ATP10B: variants seen among roughly 807,000 people sequenced by gnomAD.
ATP10B encodes the protein phospholipid-transporting ATPase VB.
Under a neutral mutation model 141.2 loss-of-function variants are expected in ATP10B, and 122 were observed. The observed-to-expected ratio is 0.86, with a 90% CI of 0.75 to 1.00. ATP10B has a LOEUF of 1.00. ATP10B is among the 50% of genes least tolerant of loss of function. ATP10B has a pLI of 0.00. For missense variants in ATP10B, 1,876 were observed against 1,825.3 expected, an observed-to-expected ratio of 1.03 and a Z score of -0.51; for synonymous variants, 685 against 692.0, an observed-to-expected ratio of 0.99 and a Z score of 0.16.
At chr5:160,901,978 G>A in the ATP10B span, among the ~76,000 whole-genome samples, 2 of 152,068 alleles carry the variant, frequency 1.3e-5, no homozygotes, top group Admixed American at 6.5e-5. Context: ...TTTGCCCAAG[G>A]TCACCCAGCT....
chr5:160,690,854 G>A (rs1264571186), intron 3 of ATP10B, among the ~76,000 whole-genome samples: 5 of 152,164 alleles, frequency 3.3e-5, no homozygotes, highest in Non-Finnish European at 7.3e-5. Flanking sequence ...TCCCATTACT[G>A]GGGATATACC....
At chr5:160,915,110 C>T in the ATP10B span, among the ~76,000 whole-genome samples, 3 of 152,110 alleles carry the variant, frequency 2.0e-5, no homozygotes, top group Admixed American at 1.3e-4. Context: ...ACAAGTAACT[C>T]CCTCCTTGAA....
intron 18 of ATP10B, among the ~76,000 whole-genome samples, chr5:160,607,425 T>C (rs1757456598): frequency 6.6e-6 from 1 of 152,234 alleles, no homozygotes; most frequent in Non-Finnish European, 1.5e-5. Flanking sequence ...TATGGTGCTT[T>C]CTATTTCTCA....
the ATP10B span, among the ~76,000 whole-genome samples, chr5:160,911,340 A>T: frequency 1.3e-5 from 2 of 152,222 alleles, no homozygotes; most frequent in African/African-American, 4.8e-5. Context: ...GTTTTAAAAC[A>T]ATGACTGAGA....
At chr5:160,797,097 A>G (rs1772000016) in intron 1 of ATP10B, among the ~76,000 whole-genome samples, 1 of 151,922 alleles carries the variant, frequency 6.6e-6, no homozygotes, top group Non-Finnish European at 1.5e-5. Context: ...CACTAATCAC[A>G]TCTAGTTTCA....
At chr5:160,593,656 A>G (rs1756477640) in intron 22 of ATP10B, among the ~76,000 whole-genome samples, 1 of 152,190 alleles carries the variant, frequency 6.6e-6, no homozygotes, top group Non-Finnish European at 1.5e-5. Context: ...GAAGTTAAAA[A>G]CTTTGCAAAA....
chr5:160,802,622 G>T (rs1168512566), intron 1 of ATP10B, among the ~76,000 whole-genome samples: 2 of 152,190 alleles, frequency 1.3e-5, no homozygotes, highest in African/African-American at 4.8e-5. Context: ...CATGGTAAGG[G>T]ACACTGCTAA....
At chr5:160,717,160 A>G in intron 2 of ATP10B, 126 bp from the exon 3 acceptor site, 1 of 616,080 alleles carries the variant, frequency 1.6e-6, no homozygotes, top group Non-Finnish European at 2.0e-6. Flanking sequence ...AATTTTACAT[A>G]TACTTATGAT....
chr5:160,733,520 T>C (rs1412850839), intron 2 of ATP10B, among the ~76,000 whole-genome samples: 2 of 151,802 alleles, frequency 1.3e-5, no homozygotes, highest in African/African-American at 4.8e-5. Context: ...CTAATGACCA[T>C]AAAAAGTTAA....
chr5:160,716,109 AAGG>A (rs1377847108), intron 3 of ATP10B, among the ~76,000 whole-genome samples: 3 of 152,202 alleles, frequency 2.0e-5, no homozygotes, highest in African/African-American at 4.8e-5. Flanking sequence ...ACACGTGCAC[AAGG>A]AGATCTTCAG....
At position 160,727,581 on chromosome 5, in the gene ATP10B, C is replaced by G. The variant is rs146586661; in HGVS notation, c.-330-10547G>C. ...TTTTTATTTGCCTGGTGTGTTGGGT[C>G]CTGCCAAATAGTTTAACAATGTTTT... On this transcript the variant is annotated intron_variant, in intron 2 of 25. Transcript: ENST00000327245. 2.9e-3 allele frequency among the ~76,000 whole-genome samples: 445 copies of G among 152,164 alleles called. 2 individuals carry two copies. The highest frequency in any genetic ancestry group is 0.01 in the African/African-American group (418 of 41,490).
At chr5:160,604,280 G>C (rs1254616594) in intron 19 of ATP10B, among the ~76,000 whole-genome samples, 1 of 152,044 alleles carries the variant, frequency 6.6e-6, no homozygotes, top group Non-Finnish European at 1.5e-5. Flanking sequence ...TTTTTTTCTA[G>C]GCACAGTGTT....
At chr5:160,840,161 AT>A (rs997797442) in intron 1 of ATP10B, among the ~76,000 whole-genome samples, 1 of 152,060 alleles carries the variant, frequency 6.6e-6, no homozygotes, top group African/African-American at 2.4e-5. Flanking sequence ...ATTTTTCATT[AT>A]TTTAATATCT....
intron 2 of ATP10B, among the ~76,000 whole-genome samples, chr5:160,778,970 G>A (rs1181773396): frequency 1.3e-5 from 2 of 152,172 alleles, no homozygotes; most frequent in Non-Finnish European, 2.9e-5. Flanking sequence ...GGCGTCTTAA[G>A]AGTGACCGTG....
rs943164904 is a variant in ATP10B, at chr5:160,650,009, T to C, written c.676-753A>G. ...CTCTAATCTCAGCTACTCGGGAGGC[T>C]GAGGCACGAAAATCACTTGAACCTG... On this transcript the variant is annotated intron_variant, in intron 7 of 25. Coordinates refer to ENST00000327245, the MANE Select transcript of ATP10B (RefSeq NM_025153.3). Among the ~76,000 whole-genome samples the C allele has an allele frequency of 2.6e-5, 4 of 151,742 alleles. No homozygotes were observed. The South Asian group carries it at 8.3e-4, about 32-fold the overall frequency.
intron 1 of ATP10B, among the ~76,000 whole-genome samples, chr5:160,843,765 A>G (rs1006811047): frequency 6.6e-6 from 1 of 152,172 alleles, no homozygotes; most frequent in Non-Finnish European, 1.5e-5. Flanking sequence ...CAATTCAAGA[A>G]TGTCCAGCAA....
chr5:160,653,565 T>C (rs539406126), intron 7 of ATP10B, among the ~76,000 whole-genome samples: 1 of 106,520 alleles, frequency 9.4e-6, no homozygotes, highest in African/African-American at 4.1e-5. Flanking sequence ...TACATATATA[T>C]TACATATACA....
intron 2 of ATP10B, among the ~76,000 whole-genome samples, chr5:160,755,611 C>T (rs934365654): frequency 6.7e-5 from 10 of 149,640 alleles, no homozygotes; most frequent in African/African-American, 1.5e-4. Flanking sequence ...GTCAGGAGAT[C>T]GAGACCATCC....
the ATP10B span, among the ~76,000 whole-genome samples, chr5:160,877,758 C>A: frequency 8.5e-6 from 1 of 117,070 alleles, no homozygotes; most frequent in Non-Finnish European, 2.0e-5. Flanking sequence ...AACAGAGAGC[C>A]AAATCATGAG....
Sources: gnomAD v4.1 joint callset for allele counts (sites outside exome capture counted in the v4.1 genomes callset) on GRCh38, gnomAD v4.1.1 for gene constraint, MANE v1.5 for transcripts, NCBI Gene and HGNC (gene_info 2026-07-23, HGNC 2026-07-21) for gene names.